Variants in RND1 observed in about 807,000 individuals in gnomAD.
The protein encoded by RND1 is Rho family GTPase 1.
Under a neutral mutation model 27.1 loss-of-function variants are expected in RND1, and 9 were observed. The ratio of observed to expected loss-of-function variants is 0.33; its 90% CI spans 0.20 to 0.58. RND1 has a LOEUF of 0.58. Among genes scored for constraint, RND1 ranks in the 20% least tolerant of loss-of-function variants. The pLI is 0.86. For missense variants in RND1, 253 were observed against 292.2 expected, an observed-to-expected ratio of 0.87 and a Z score of 0.98; for synonymous variants, 108 against 115.7, an observed-to-expected ratio of 0.93 and a Z score of 0.43.
intron 4 of RND1, among the ~76,000 whole-genome samples, chr12:48,860,339 C>G (rs937485568): frequency 6.6e-6 from 1 of 151,802 alleles, no homozygotes; most frequent in African/African-American, 2.4e-5. Context: ...CGGCCTTGGC[C>G]TCTCAAGTGC....
Position 48,864,868 on chromosome 12 carries a change from G to C in RND1, c.123C>G (p.Thr41=). 6.2e-7 allele frequency: 1 copy of C among 1,612,562 alleles called. No homozygotes were observed. The highest frequency in any genetic ancestry group is 8.5e-7 in the Non-Finnish European group (1 of 1,178,732). The part of the protein sequence containing the change: ...QVLAKDCYPE[T]YVPTVFENYT... ...AATTTTCGAACACGGTGGGCACATA[G>C]GTCTGTGAAAAGAGAGGAAACATTC... is the stretch of plus-strand genomic sequence containing the variant. The change falls in exon 2 of 5, where the codon ACC becomes ACG. Residue 41 remains threonine, a splice_region_variant and synonymous_variant. Coordinates refer to ENST00000309739, the MANE Select transcript of RND1 (RefSeq NM_014470.4).
chr12:48,859,796 G>A lies in RND1; in HGVS notation c.453+1201C>T, dbSNP rs185106766. Among the ~76,000 whole-genome samples the A allele has an allele frequency of 3.4e-4, 52 of 152,224 alleles. 1 individual carries two copies. In the South Asian group the frequency reaches 7.3e-3, roughly 21 times the overall value. ...CCAGCTACTAGGGAGACAGGAGGGA[G>A]GATCACTTGAGTCCGGGAGGTCAAG... On this transcript the variant is annotated intron_variant, in intron 4 of 4. Coordinates refer to ENST00000309739, the MANE Select transcript of RND1 (RefSeq NM_014470.4).
At chr12:48,864,693 C>T (rs1397127959) in intron 2 of RND1, 90 bp downstream of exon 2, 1 of 1,000,800 alleles carries the variant, frequency 1.0e-6, no homozygotes, top group Admixed American at 1.7e-5. Context: ...TCACTTCTCC[C>T]CACCAAAGGG....
chr12:48,857,885 C>T lies in RND1; in HGVS notation c.*111G>A. Reference sequence around the variant, plus strand: ...TCTCCTTCCAAGCCCTCACCGTGGCCATCTGAAAAACTCATGTCCAGTGTC... The same window carrying T: ...TCTCCTTCCAAGCCCTCACCGTGGCTATCTGAAAAACTCATGTCCAGTGTC... On this transcript the variant is annotated 3_prime_UTR_variant, in exon 5 of 5. Transcript: ENST00000309739. The T allele has an allele frequency of 7.5e-7, 1 of 1,338,764 alleles. No individual in the cohort carries two copies. Among genetic ancestry groups the T allele is most frequent in the South Asian group, 1.5e-5 (1 of 66,252 alleles). The allele number at this position is 1,338,764 out of a possible 1,614,324, so 82.9% of individuals were successfully genotyped here. A position where few individuals can be genotyped will look rare whatever the true frequency, so the allele number is the denominator to read the frequency against.
chr12:48,862,307 C>T, intron 2 of RND1, 189 bp from the exon 3 acceptor site: 1 of 529,350 alleles, frequency 1.9e-6, no homozygotes, highest in East Asian at 3.3e-5. Context: ...ATATCATCCC[C>T]CTTAGTCCAG....
At chr12:48,861,246 A>T in intron 3 of RND1, 115 bp from the exon 4 acceptor site, 1 of 989,028 alleles carries the variant, frequency 1.0e-6, no homozygotes, top group Non-Finnish European at 1.5e-6. Context: ...CTCACTCATC[A>T]CCAGCCCAGT....
At chr12:48,864,637 A>G in intron 2 of RND1, 146 bp downstream of exon 2, 1 of 684,034 alleles carries the variant, frequency 1.5e-6, no homozygotes, top group Admixed American at 2.0e-5. Context: ...GAGTCCACCA[A>G]CTGTCAGCCC....
At chr12:48,858,927 G>T (rs1938879973) in intron 4 of RND1, 1 of 145,954 alleles carries the variant, frequency 6.9e-6, no homozygotes, top group East Asian at 2.0e-4. Flanking sequence ...TGGGTATAGA[G>T]CCAAGGCATT....
Position 48,864,416 on chromosome 12 carries a change from T to TGTGTGTGCGCGC in RND1, c.208+366_208+367insGCGCGCACACAC, listed in dbSNP as rs141121524. Among the ~76,000 whole-genome samples the TGTGTGTGCGCGC allele has an allele frequency of 2.3e-3, 310 of 135,546 alleles. 1 individual carries two copies. Among genetic ancestry groups the TGTGTGTGCGCGC allele is most frequent in the South Asian group, 5.1e-3 (22 of 4,356 alleles). The allele number at this position is 135,546 out of a possible 152,430, so 88.9% of individuals were successfully genotyped here. A position where few individuals can be genotyped will look rare whatever the true frequency, so the allele number is the denominator to read the frequency against. ...GTGTGTGTGTGTGTGTGTGTGTGTGTGCGCGCGCGCGCGTGTGTGTGCATG... is the reference window on the plus strand; with the variant it reads ...GTGTGTGTGTGTGTGTGTGTGTGTGTGTGTGTGCGCGCGCGCGCGCGCGCGTGTGTGTGCATG... On this transcript the variant is annotated intron_variant, in intron 2 of 4. Transcript: ENST00000309739.
chr12:48,862,903 C>T (rs34159160), intron 2 of RND1, among the ~76,000 whole-genome samples: 3,158 of 152,136 alleles, frequency 0.021, 59 homozygotes, highest in Non-Finnish European at 0.031. Flanking sequence ...ACAATCCGTG[C>T]TCAGAATAGC....
intron 1 of RND1, 90 bp downstream of exon 1, chr12:48,865,558 G>A: frequency 6.9e-7 from 1 of 1,451,192 alleles, no homozygotes; most frequent in East Asian, 2.5e-5. Context: ...GCTGGGGCTG[G>A]GGGAGCCACG....
intron 4 of RND1, among the ~76,000 whole-genome samples, chr12:48,860,742 A>C (rs561653998): frequency 2.0e-5 from 3 of 151,812 alleles, no homozygotes; most frequent in Non-Finnish European, 4.4e-5. Flanking sequence ...AAACACCTCT[A>C]ATGATTCTAA....
intron 1 of RND1, 72 bp from the exon 2 acceptor site, chr12:48,864,942 ACG>A: frequency 1.8e-6 from 2 of 1,086,478 alleles, no homozygotes; most frequent in Non-Finnish European, 2.9e-6. Context: ...CTGGCTACAC[ACG>A]CACTCACCAG....
chr12:48,865,245 G>A, intron 1 of RND1: 1 of 374,706 alleles, frequency 2.7e-6, no homozygotes, highest in Admixed American at 3.9e-5. Flanking sequence ...TGAACAGAGG[G>A]GCTGCAGAAG....
At position 48,864,658 on chromosome 12, in the gene RND1, T is replaced by G. The variant is rs990390449; in HGVS notation, c.208+125A>C. ...ACCAACTGTCAGCCCTCCCCACAAC[T>G]AATGAGTCTTCAGATCCTCTTTTTT... On this transcript the variant is annotated intron_variant, in intron 2 of 4. Transcript: ENST00000309739. 5.8e-5 allele frequency: 45 copies of G among 774,644 alleles called. No individual in the cohort carries two copies. In the African/African-American group the frequency reaches 7.0e-4, roughly 12 times the overall value. 48.0% of individuals were successfully genotyped at this position (774,644 alleles called of 1,614,324 possible). A position where few individuals can be genotyped will look rare whatever the true frequency, so the allele number is the denominator to read the frequency against.
At chr12:48,864,425 G>GCA (rs1454423131) in intron 2 of RND1, among the ~76,000 whole-genome samples, 1 of 148,374 alleles carries the variant, frequency 6.7e-6, no homozygotes, top group Non-Finnish European at 1.5e-5. Flanking sequence ...GTGCGCGCGC[G>GCA]CGCGTGTGTG....
intron 3 of RND1, among the ~76,000 whole-genome samples, chr12:48,861,728 C>T (rs922288812): frequency 5.3e-5 from 8 of 152,196 alleles, no homozygotes; most frequent in African/African-American, 1.9e-4. Context: ...CCTAAAGGTT[C>T]TCTGACTCTC....
At position 48,865,463 on chromosome 12, in the gene RND1, G is replaced by C. The variant is rs1002932123; in HGVS notation, c.120+185C>G. The C allele has an allele frequency of 6.0e-6, 4 of 668,840 alleles. No individual in the cohort carries two copies. The African/African-American group carries it at 7.1e-5, about 12-fold the overall frequency. 41.4% of individuals were successfully genotyped at this position (668,840 alleles called of 1,614,324 possible). A position where few individuals can be genotyped will look rare whatever the true frequency, so the allele number is the denominator to read the frequency against. ...CCAGCGGGGCGGCAGAAGTGGAACA[G>C]GTCTCAGGGGAAGCTAAGGCAGGGC... On this transcript the variant is annotated intron_variant, in intron 1 of 4. Coordinates refer to ENST00000309739, the MANE Select transcript of RND1 (RefSeq NM_014470.4).
chr12:48,864,425 G>GCGCGCGCA (rs1938959946), intron 2 of RND1, among the ~76,000 whole-genome samples: 1 of 148,266 alleles, frequency 6.7e-6, no homozygotes, highest in African/African-American at 2.5e-5. Flanking sequence ...GTGCGCGCGC[G>GCGCGCGCA]CGCGTGTGTG....
Sources: gnomAD v4.1 joint callset for allele counts (sites outside exome capture counted in the v4.1 genomes callset) on GRCh38, gnomAD v4.1.1 for gene constraint, MANE v1.5 for transcripts, NCBI Gene and HGNC (gene_info 2026-07-23, HGNC 2026-07-21) for gene names.